Variants in EFCAB6 observed in about 807,000 individuals in gnomAD.
The protein encoded by EFCAB6 is EF-hand calcium-binding domain-containing protein 6.
A neutral mutation model predicts 169.8 loss-of-function variants in EFCAB6; 156 were observed. That is an observed-to-expected ratio of 0.92 (90% confidence interval 0.81 to 1.05). EFCAB6 has a LOEUF of 1.05. Ranked by LOEUF, EFCAB6 falls within the 50% of genes least tolerant of loss-of-function variation. The pLI is 0.00. For missense variants in EFCAB6, 1,800 were observed against 1,829.1 expected (o/e 0.98, Z 0.29); for synonymous variants, 698 against 676.4 (o/e 1.03, Z -0.50).
chr22:43,614,692 G>A (rs2053571362), intron 21 of EFCAB6, among the ~76,000 whole-genome samples: 1 of 152,182 alleles, frequency 6.6e-6, no homozygotes, highest in Non-Finnish European at 1.5e-5. Context: ...GGTTGGTGTG[G>A]GCCAGCGCAG....
rs147315401 is a variant in EFCAB6 at position 43,528,951 on chromosome 22, G to A, written c.4408C>T (p.Leu1470Phe). 1.2e-6 allele frequency: 2 copies of A among 1,604,264 alleles called. No individual in the cohort carries two copies. The highest frequency in any genetic ancestry group is 2.2e-5 in the East Asian group (1 of 44,590). The change falls in exon 32 of 32, where the codon CTC becomes TTC. Residue 1470 changes from leucine (L) to phenylalanine (F), a missense_variant. Transcript: ENST00000262726. ...ATATGGAAGAACTCTTCCTCAGAGA[G>A]GTTGATGCTGTACTGTCTCAGGACC... is the stretch of plus-strand genomic sequence containing the variant. Reference protein sequence around the residue: ...RTVLRQYSINLSEEEFFHILE... With the variant: ...RTVLRQYSINFSEEEFFHILE...
intron 20 of EFCAB6, among the ~76,000 whole-genome samples, chr22:43,618,220 AAGAGAAAGAAAGAAAGAGAG>A (rs2053873918): frequency 8.3e-6 from 1 of 120,724 alleles, no homozygotes; most frequent in Admixed American, 8.2e-5. Context: ...GAAAGAAAGA[AAGAGAAAGAAAGAAAGAGAG>A]AGAAAGAGAA....
At chr22:43,746,077 G>C (rs781251208) in intron 6 of EFCAB6, among the ~76,000 whole-genome samples, 4 of 152,146 alleles carry the variant, frequency 2.6e-5, no homozygotes, top group Non-Finnish European at 4.4e-5. Flanking sequence ...GAAAAAATTA[G>C]ACTACATTCA....
At chr22:43,722,153 T>C (rs2059554384) in intron 8 of EFCAB6, among the ~76,000 whole-genome samples, 1 of 152,040 alleles carries the variant, frequency 6.6e-6, no homozygotes, top group Non-Finnish European at 1.5e-5. Context: ...AAAATGCTCA[T>C]AATCACTAAT....
chr22:43,592,937 T>G (rs1308822009), intron 23 of EFCAB6, among the ~76,000 whole-genome samples: 1 of 152,172 alleles, frequency 6.6e-6, no homozygotes, highest in African/African-American at 2.4e-5. Context: ...ATCTTTAAAA[T>G]GTATTTAGGG....
chr22:43,576,364 C>G lies in EFCAB6; in HGVS notation c.3353G>C (p.Arg1118Thr), dbSNP rs2050256902. 4.4e-6 allele frequency: 7 copies of G among 1,599,062 alleles called. No individual in the cohort carries two copies. Among genetic ancestry groups the G allele is most frequent in the Non-Finnish European group, 4.3e-6 (5 of 1,176,162 alleles). ...NQYHYFLRKLRIHLTPYINWK... is the reference protein window; with the variant it reads ...NQYHYFLRKLTIHLTPYINWK... ...ATTTATATAGGGGGTTAGATGAATT[C>G]TTAGTTTCCTCAAAAAATAATGATA... is the stretch of plus-strand genomic sequence containing the variant. Residue 1118 changes from arginine to threonine, a missense_variant, in exon 26 of 32, where the codon AGA becomes ACA. Arg to Thr is a moderately conservative substitution (Grantham distance 71). Coordinates refer to ENST00000262726, the MANE Select transcript of EFCAB6 (RefSeq NM_022785.4).
At chr22:43,722,205 T>C (rs187059471) in intron 8 of EFCAB6, among the ~76,000 whole-genome samples, 3 of 152,126 alleles carry the variant, frequency 2.0e-5, no homozygotes, top group Admixed American at 2.0e-4. Flanking sequence ...AGATACCATC[T>C]TACACCAATC....
At chr22:43,794,975 G>A (rs879803739) in intron 2 of EFCAB6, among the ~76,000 whole-genome samples, 5 of 152,120 alleles carry the variant, frequency 3.3e-5, no homozygotes, top group African/African-American at 7.2e-5. Flanking sequence ...CCACAGCTAG[G>A]CAACACTATG....
intron 6 of EFCAB6, among the ~76,000 whole-genome samples, chr22:43,754,025 G>C (rs2060867093): frequency 6.6e-6 from 1 of 152,210 alleles, no homozygotes; most frequent in Non-Finnish European, 1.5e-5. Context: ...AGAAGGGTCA[G>C]AGTCTTCATT....
intron 6 of EFCAB6, among the ~76,000 whole-genome samples, chr22:43,740,651 T>C (rs1313955433): frequency 2.0e-5 from 3 of 152,110 alleles, no homozygotes; most frequent in Non-Finnish European, 4.4e-5. Flanking sequence ...CAAAGAACAT[T>C]GGCTAACATG....
chr22:43,800,044 G>T lies in EFCAB6; in HGVS notation c.-8+8951C>A, dbSNP rs531812299. 4.6e-5 allele frequency among the ~76,000 whole-genome samples: 7 copies of T among 152,272 alleles called. No individual in the cohort carries two copies. The East Asian group carries it at 1.4e-3, about 29-fold the overall frequency. ...CCTGAGGACAGACAGAGGTAAAGAGGGGGAGGTGGGACTACCATCTCCAGC... is the reference window on the plus strand; with the variant it reads ...CCTGAGGACAGACAGAGGTAAAGAGTGGGAGGTGGGACTACCATCTCCAGC... On this transcript the variant is annotated intron_variant, in intron 2 of 31. Transcript: ENST00000262726.
intron 28 of EFCAB6, among the ~76,000 whole-genome samples, chr22:43,538,894 C>T (rs2047538318): frequency 6.6e-6 from 1 of 152,184 alleles, no homozygotes; most frequent in African/African-American, 2.4e-5. Flanking sequence ...GGTCCAAAGT[C>T]TGAACTGGGT....
intron 19 of EFCAB6, among the ~76,000 whole-genome samples, chr22:43,627,468 T>A (rs2054608078): frequency 6.6e-6 from 1 of 152,202 alleles, no homozygotes. Context: ...CCTTGGGTTG[T>A]TTGTGAGGAG....
intron 5 of EFCAB6, 73 bp downstream of exon 5, chr22:43,765,232 A>T: frequency 8.5e-7 from 1 of 1,174,808 alleles, no homozygotes; most frequent in Non-Finnish European, 1.3e-6. Context: ...GATTAGTTCC[A>T]ATGGCTTCAC....
At chr22:43,592,814 G>A (rs1269709749) in intron 23 of EFCAB6, among the ~76,000 whole-genome samples, 3 of 152,146 alleles carry the variant, frequency 2.0e-5, no homozygotes, top group Admixed American at 2.0e-4. Context: ...CGTGTTATGT[G>A]GCTCATTTAC....
intron 6 of EFCAB6, among the ~76,000 whole-genome samples, chr22:43,737,838 C>A (rs1056642509): frequency 6.6e-6 from 1 of 151,308 alleles, no homozygotes; most frequent in African/African-American, 2.4e-5. Context: ...ATTACTCACA[C>A]ACATATATTC....
At chr22:43,751,743 T>C (rs1445710145) in intron 6 of EFCAB6, among the ~76,000 whole-genome samples, 1 of 152,244 alleles carries the variant, frequency 6.6e-6, no homozygotes, top group Non-Finnish European at 1.5e-5. Context: ...GACTTCTCTC[T>C]GTGATGGACT....
intron 6 of EFCAB6, among the ~76,000 whole-genome samples, chr22:43,748,376 G>A (rs2060638273): frequency 6.6e-6 from 1 of 152,156 alleles, no homozygotes; most frequent in Non-Finnish European, 1.5e-5. Flanking sequence ...TAGCCGCAGG[G>A]CTTGTCTCCT....
chr22:43,663,375 C>A (rs991705540), intron 17 of EFCAB6, among the ~76,000 whole-genome samples: 4 of 152,200 alleles, frequency 2.6e-5, no homozygotes, highest in African/African-American at 9.7e-5. Flanking sequence ...ATATTTCTAG[C>A]TCTGATTTCA....
Sources: allele counts gnomAD v4.1 joint callset (sites outside exome capture counted in the v4.1 genomes callset), GRCh38; gene constraint gnomAD v4.1.1; transcripts MANE v1.5; gene names NCBI Gene and HGNC (gene_info 2026-07-23, HGNC 2026-07-21).